The following ABCG1 variants were observed in gnomAD, a reference collection of about 807,000 sequenced individuals.
The protein encoded by ABCG1 is ATP-binding cassette sub-family G member 1.
A neutral mutation model predicts 69.2 loss-of-function variants in ABCG1; 29 were observed. The observed-to-expected ratio is 0.42, with a 90% CI of 0.31 to 0.57. The LOEUF is 0.57. Ranked by LOEUF, ABCG1 falls within the 20% of genes least tolerant of loss-of-function variation. The pLI, the probability that ABCG1 is intolerant of heterozygous loss-of-function variation, is 0.15. For missense variants in ABCG1, 718 were observed against 898.1 expected, an observed-to-expected ratio of 0.80 and a Z score of 2.56; for synonymous variants, 370 against 374.8, an observed-to-expected ratio of 0.99 and a Z score of 0.15.
intron 2 of ABCG1, among the ~76,000 whole-genome samples, chr21:42,252,668 A>G (rs577557562): frequency 1.3e-5 from 2 of 152,224 alleles, no homozygotes; most frequent in South Asian, 4.2e-4. Context: ...ATCACAGAAA[A>G]GGTGCTTGGA....
intron 2 of ABCG1, chr21:42,256,696 C>T (rs1195642794): frequency 9.1e-6 from 13 of 1,432,602 alleles, no homozygotes; most frequent in Non-Finnish European, 1.2e-5. Flanking sequence ...GGCTTCTCTG[C>T]ATTCAGAGGG....
chr21:42,222,605 T>C (rs750521943), intron 1 of ABCG1, among the ~76,000 whole-genome samples: 12 of 152,212 alleles, frequency 7.9e-5, no homozygotes, highest in Admixed American at 2.0e-4. Context: ...TCATGGGGTC[T>C]TAAGCAATTC....
chr21:42,213,549 T>G (rs1171944993), upstream of ABCG1, among the ~76,000 whole-genome samples: 1 of 152,180 alleles, frequency 6.6e-6, no homozygotes, highest in East Asian at 1.9e-4. Flanking sequence ...GACCTCAGAC[T>G]AGCAGAGCCA....
chr21:42,260,383 C>A (rs569461644), intron 2 of ABCG1, among the ~76,000 whole-genome samples: 24 of 152,328 alleles, frequency 1.6e-4, no homozygotes, highest in African/African-American at 4.1e-4. Context: ...GAAACACAAG[C>A]CGGGGAGCCT....
intron 1 of ABCG1, among the ~76,000 whole-genome samples, chr21:42,201,311 A>G (rs1390217627): frequency 6.6e-6 from 1 of 152,188 alleles, no homozygotes; most frequent in East Asian, 1.9e-4. Flanking sequence ...GAAGCGTGCA[A>G]CCTAGATCCC....
intron 2 of ABCG1, among the ~76,000 whole-genome samples, chr21:42,239,687 G>A (rs923492908): frequency 5.3e-5 from 8 of 152,222 alleles, no homozygotes; most frequent in African/African-American, 1.9e-4. Context: ...GCCCCACACT[G>A]GTCCCCTGGC....
chr21:42,288,014 C>T lies in ABCG1; in HGVS notation c.1099C>T (p.Leu367Phe), dbSNP rs763941692. ...LGGDAEVNPF[L>F]WHRPSEEDSS... Reference sequence around the variant, plus strand: ...GGGTGATGCCGAGGTGAACCCTTTTCTTTGGCACCGGCCCTCTGAAGAGGT... The same window carrying T: ...GGGTGATGCCGAGGTGAACCCTTTTTTTTGGCACCGGCCCTCTGAAGAGGT... The change falls in exon 9 of 15, where the codon CTT becomes TTT. Residue 367 changes from leucine (L) to phenylalanine (F), a missense_variant. By Grantham distance (22) the Leu-to-Phe change is conservative (BLOSUM62 0). This residue lies in a region of ABCG1 where 514 missense variants were observed against 574.3 expected (regional missense o/e 0.90). Transcript: ENST00000398449. The surrounding 1 kb of genome is among the most constrained non-coding windows in gnomAD (Gnocchi z 4.8). 1.2e-6 allele frequency: 2 copies of T among 1,612,164 alleles called. No homozygotes were observed. Among genetic ancestry groups the T allele is most frequent in the Non-Finnish European group, 1.7e-6 (2 of 1,178,798 alleles).
At chr21:42,248,420 C>T (rs1023641158) in intron 2 of ABCG1, among the ~76,000 whole-genome samples, 4 of 152,092 alleles carry the variant, frequency 2.6e-5, no homozygotes, top group Non-Finnish European at 5.9e-5. Context: ...AGGCACCACC[C>T]GTGGGGGGTG....
intron 2 of ABCG1, among the ~76,000 whole-genome samples, chr21:42,232,183 C>G (rs1204056155): frequency 6.6e-6 from 1 of 152,254 alleles, no homozygotes; most frequent in Non-Finnish European, 1.5e-5. Context: ...TGGACCAACT[C>G]TCACAGCAGA....
At chr21:42,258,242 C>T (rs1447281221) in intron 2 of ABCG1, among the ~76,000 whole-genome samples, 1 of 151,662 alleles carries the variant, frequency 6.6e-6, no homozygotes, top group Non-Finnish European at 1.5e-5. Context: ...ATCCCTCCAT[C>T]TGTTCCTCCA....
At chr21:42,209,328 G>A (rs1026248793) in intron 2 of ABCG1, among the ~76,000 whole-genome samples, 3 of 152,194 alleles carry the variant, frequency 2.0e-5, no homozygotes, top group Admixed American at 1.3e-4. Context: ...CCCACAGGGC[G>A]TTCTGAGGCA....
intron 13 of ABCG1, among the ~76,000 whole-genome samples, chr21:42,293,391 A>T (rs571241023): frequency 6.9e-6 from 1 of 145,186 alleles, no homozygotes; most frequent in East Asian, 2.1e-4. Flanking sequence ...TACACACCAC[A>T]CATACTACAC....
chr21:42,201,772 C>T, intron 2 of ABCG1: 1 of 1,612,562 alleles, frequency 6.2e-7, no homozygotes, highest in East Asian at 2.2e-5. Context: ...AGCTCAGATC[C>T]AGACTGGGCT....
chr21:42,205,818 T>A (rs1295758898), intron 2 of ABCG1, among the ~76,000 whole-genome samples: 2 of 152,238 alleles, frequency 1.3e-5, no homozygotes, highest in Admixed American at 1.3e-4. Flanking sequence ...GTATATGAAT[T>A]CAGTGCTATA....
chr21:42,284,803 A>C, intron 7 of ABCG1, 120 bp downstream of exon 7: 1 of 1,339,030 alleles, frequency 7.5e-7, no homozygotes. Context: ...CATGACACCA[A>C]ACCCTGGGTA....
At position 42,273,474 on chromosome 21, in the gene ABCG1, G is replaced by T. The variant is rs225400; in HGVS notation, c.537+39G>T. On this transcript the variant is annotated intron_variant, in intron 4 of 14. Transcript: ENST00000398449. The surrounding 1 kb of genome is among the most constrained non-coding windows in gnomAD (Gnocchi z 5.3). ...TGCCCCGCCCCACTCCGCCCCTGCC[G>T]CCTGTCCCCAGCGCCCACATTAGAC... The T allele has an allele frequency of 1.9e-6, 3 of 1,594,410 alleles. No homozygotes were observed. Among genetic ancestry groups the T allele is most frequent in the African/African-American group, 1.4e-5 (1 of 73,646 alleles).
chr21:42,216,206 C>G (rs1320021684), upstream of ABCG1: 7 of 443,376 alleles, frequency 1.6e-5, no homozygotes, highest in Admixed American at 1.7e-4. Context: ...CGTTAAATCT[C>G]TTTCCTTTGT....
Position 42,219,759 on chromosome 21 carries a change from TC to T in ABCG1, c.42+459del. On this transcript the variant is annotated intron_variant, in intron 1 of 14. Transcript: ENST00000398449. The surrounding 1 kb of genome is among the most constrained non-coding windows in gnomAD (Gnocchi z 5.3). ...TGGGGACCGGGGACTTCTCGCGCCATCCCCAGGAACGCCAGGCAAGGTCTGG... is the reference window on the plus strand; with the variant it reads ...TGGGGACCGGGGACTTCTCGCGCCATCCCAGGAACGCCAGGCAAGGTCTGG... The T allele has an allele frequency of 7.3e-7, 1 of 1,364,518 alleles. No individual in the cohort carries two copies. Among genetic ancestry groups the T allele is most frequent in the Non-Finnish European group, 9.5e-7 (1 of 1,047,556 alleles). 84.5% of individuals were successfully genotyped at this position (1,364,518 alleles called of 1,614,324 possible). A position where few individuals can be genotyped will look rare whatever the true frequency, so the allele number is the denominator to read the frequency against.
intron 4 of ABCG1, among the ~76,000 whole-genome samples, chr21:42,275,247 TG>T (rs1206244277): frequency 3.9e-5 from 6 of 152,164 alleles, no homozygotes; most frequent in African/African-American, 1.4e-4. Flanking sequence ...CAGGAACCTG[TG>T]GGGCTGTTCC....
Sources: gnomAD v4.1 joint callset for allele counts (sites outside exome capture counted in the v4.1 genomes callset) on GRCh38, gnomAD v4.1.1 for gene constraint, gnomAD v4.1.1 regional missense constraint, Gnocchi (gnomAD v3.1) non-coding constraint, MANE v1.5 for transcripts, NCBI Gene and HGNC (gene_info 2026-07-23, HGNC 2026-07-21) for gene names.